NCKAP5: variants seen among roughly 807,000 people sequenced by gnomAD.
NCKAP5 encodes the protein nck-associated protein 5.
A neutral mutation model predicts 167.0 loss-of-function variants in NCKAP5; 92 were observed. The ratio of observed to expected loss-of-function variants is 0.55; its 90% confidence interval spans 0.47 to 0.66. The LOEUF (loss-of-function observed/expected upper bound fraction) is 0.66. Ranked by LOEUF, NCKAP5 falls within the 30% of genes least tolerant of loss-of-function variation. The pLI is 0.00. For synonymous variants in NCKAP5, 891 were observed against 877.4 expected, an observed-to-expected ratio of 1.02 and a Z score of -0.27; for missense variants, 2,378 against 2,315.0, an observed-to-expected ratio of 1.03 and a Z score of -0.56.
intron 11 of NCKAP5, among the ~76,000 whole-genome samples, chr2:132,860,082 A>C (rs994937297): frequency 2.0e-5 from 3 of 152,176 alleles, no homozygotes; most frequent in Admixed American, 6.5e-5. Flanking sequence ...AACAAACCCC[A>C]CATGTATTTT....
chr2:133,648,617 A>C, the NCKAP5 span, among the ~76,000 whole-genome samples: 1 of 152,106 alleles, frequency 6.6e-6, no homozygotes, highest in Non-Finnish European at 1.5e-5. Flanking sequence ...AAAAATTCAT[A>C]ATATGTAGAA....
At chr2:133,032,443 T>C (rs1250566273) in intron 6 of NCKAP5, among the ~76,000 whole-genome samples, 1 of 152,184 alleles carries the variant, frequency 6.6e-6, no homozygotes, top group Non-Finnish European at 1.5e-5. Flanking sequence ...TCAGCCACAG[T>C]ACAATAGAAC....
At chr2:133,488,559 G>T (rs1681126062) in intron 3 of NCKAP5, among the ~76,000 whole-genome samples, 5 of 152,068 alleles carry the variant, frequency 3.3e-5, no homozygotes, top group Admixed American at 3.3e-4. Context: ...CCTCCCTTCA[G>T]AAAAAGGGGC....
intron 5 of NCKAP5, among the ~76,000 whole-genome samples, chr2:133,197,139 G>T (rs2085472205): frequency 6.6e-6 from 1 of 152,132 alleles, no homozygotes; most frequent in Non-Finnish European, 1.5e-5. Context: ...GGCTAAAAAT[G>T]CCAGAGAGCT....
Position 133,334,690 on chromosome 2 carries a change from A to G in NCKAP5, c.70-31580T>C, listed in dbSNP as rs536652963. Among the ~76,000 whole-genome samples the G allele has an allele frequency of 2.2e-4, 34 of 152,294 alleles. No homozygotes were observed. The South Asian group carries it at 6.2e-3, about 28-fold the overall frequency. ...TTGGTTATCAAGCTGTTCTCCAGTGATAACTACCCCCTTGAAGGAGGCTGC... is the reference window on the plus strand; with the variant it reads ...TTGGTTATCAAGCTGTTCTCCAGTGGTAACTACCCCCTTGAAGGAGGCTGC... On this transcript the variant is annotated intron_variant, in intron 3 of 19. Coordinates refer to ENST00000409261, the MANE Select transcript of NCKAP5 (RefSeq NM_207363.3).
chr2:133,074,909 G>C (rs1328138727), intron 6 of NCKAP5, among the ~76,000 whole-genome samples: 1 of 152,008 alleles, frequency 6.6e-6, no homozygotes, highest in Admixed American at 6.6e-5. Flanking sequence ...AAAGAGATTG[G>C]AGCAGAAAAA....
chr2:132,840,534 C>T (rs988671246), intron 11 of NCKAP5, among the ~76,000 whole-genome samples: 2 of 152,140 alleles, frequency 1.3e-5, no homozygotes, highest in African/African-American at 4.8e-5. Context: ...GCCTTGGCAT[C>T]CCAAAGTGCT....
At chr2:133,302,721 T>G (rs1331708273) in intron 4 of NCKAP5, among the ~76,000 whole-genome samples, 1 of 147,374 alleles carries the variant, frequency 6.8e-6, no homozygotes, top group African/African-American at 2.5e-5. Flanking sequence ...GCATGGCACA[T>G]GTATACATAT....
At chr2:132,714,551 C>G (rs572705804) in intron 19 of NCKAP5, among the ~76,000 whole-genome samples, 16 of 152,252 alleles carry the variant, frequency 1.1e-4, no homozygotes, top group Admixed American at 3.3e-4. Flanking sequence ...GGCACAGTGG[C>G]TCATGCCTGT....
At chr2:132,949,963 G>A (rs2076134887) in intron 8 of NCKAP5, among the ~76,000 whole-genome samples, 1 of 152,088 alleles carries the variant, frequency 6.6e-6, no homozygotes, top group African/African-American at 2.4e-5. Context: ...GCATAGTGGT[G>A]GGCACCTGTA....
chr2:132,772,516 A>T (rs1034360488), intron 16 of NCKAP5, among the ~76,000 whole-genome samples: 1 of 152,156 alleles, frequency 6.6e-6, no homozygotes, highest in Non-Finnish European at 1.5e-5. Context: ...AGGCCCAAGA[A>T]CACCTCGTTA....
At chr2:133,080,917 G>A (rs147063756) in intron 6 of NCKAP5, among the ~76,000 whole-genome samples, 53 of 152,220 alleles carry the variant, frequency 3.5e-4, no homozygotes, top group Non-Finnish European at 6.9e-4. Flanking sequence ...CTTGAATTAG[G>A]CTATGAATGA....
chr2:132,749,960 A>C (rs935714951), intron 16 of NCKAP5, among the ~76,000 whole-genome samples: 1 of 152,082 alleles, frequency 6.6e-6, no homozygotes, highest in Non-Finnish European at 1.5e-5. Flanking sequence ...TCCTCCCAAC[A>C]ATCATGCTCC....
chr2:133,067,312 G>A (rs2080233112), intron 6 of NCKAP5, among the ~76,000 whole-genome samples: 1 of 152,154 alleles, frequency 6.6e-6, no homozygotes. Flanking sequence ...TTCCAACTAA[G>A]ATATTCTAAT....
chr2:132,788,892 C>T (rs536304116), intron 13 of NCKAP5, among the ~76,000 whole-genome samples: 1 of 152,264 alleles, frequency 6.6e-6, no homozygotes, highest in African/African-American at 2.4e-5. Flanking sequence ...AAGTAATACA[C>T]ATTTCAAATG....
At chr2:133,464,886 G>A (rs1287153870) in intron 3 of NCKAP5, among the ~76,000 whole-genome samples, 1 of 151,986 alleles carries the variant, frequency 6.6e-6, no homozygotes, top group East Asian at 1.9e-4. Flanking sequence ...AACGTGGCAT[G>A]GGGCTCTCGG....
intron 6 of NCKAP5, among the ~76,000 whole-genome samples, chr2:133,108,969 G>C (rs916687737): frequency 6.6e-6 from 1 of 152,100 alleles, no homozygotes; most frequent in African/African-American, 2.4e-5. Flanking sequence ...CCATATCACA[G>C]TTATTGTGAA....
chr2:133,234,780 G>T (rs2087318762), intron 4 of NCKAP5, among the ~76,000 whole-genome samples: 1 of 151,728 alleles, frequency 6.6e-6, no homozygotes, highest in African/African-American at 2.4e-5. Context: ...GTTACCTAAA[G>T]TTTTAAAGAC....
At chr2:132,712,532 G>T (rs1688964836) in intron 19 of NCKAP5, among the ~76,000 whole-genome samples, 1 of 152,056 alleles carries the variant, frequency 6.6e-6, no homozygotes, top group Admixed American at 6.6e-5. Context: ...GGCACCTGTA[G>T]TCCCAGCTAC....
Sources: allele counts gnomAD v4.1 joint callset (sites outside exome capture counted in the v4.1 genomes callset), GRCh38; gene constraint gnomAD v4.1.1; transcripts MANE v1.5; gene names NCBI Gene and HGNC (gene_info 2026-07-23, HGNC 2026-07-21).